FBXO4: variants seen among roughly 807,000 people sequenced by gnomAD.
FBXO4 encodes the protein F-box protein 4.
In FBXO4, 36 loss-of-function variants were observed where a neutral mutation model predicts 43.7. That is an observed-to-expected ratio of 0.82 (90% CI 0.63 to 1.09). FBXO4 has a LOEUF of 1.09. Ranked by LOEUF, FBXO4 falls within the 50% of genes least tolerant of loss-of-function variation. FBXO4 has a pLI of 0.00. For missense variants in FBXO4, 435 were observed against 474.1 expected (o/e 0.92, Z 0.77); for synonymous variants, 180 against 165.6 (o/e 1.09, Z -0.67).
the FBXO4 span, among the ~76,000 whole-genome samples, chr5:41,991,436 T>C: frequency 6.6e-6 from 1 of 152,310 alleles, no homozygotes; most frequent in African/African-American, 2.4e-5. Flanking sequence ...TGAGGTCTTT[T>C]TGTGAAAGCA....
chr5:42,023,126 C>T, the FBXO4 span, among the ~76,000 whole-genome samples: 4 of 152,176 alleles, frequency 2.6e-5, no homozygotes, highest in South Asian at 6.2e-4. Flanking sequence ...AGTGAACCCA[C>T]TTTCTAGGAC....
At chr5:42,025,715 T>C in the FBXO4 span, among the ~76,000 whole-genome samples, 1 of 152,020 alleles carries the variant, frequency 6.6e-6, no homozygotes, top group Admixed American at 6.6e-5. Flanking sequence ...ATTTGATTTT[T>C]GTGAATGGAG....
the FBXO4 span, among the ~76,000 whole-genome samples, chr5:41,959,464 T>C: frequency 6.6e-6 from 1 of 152,136 alleles, no homozygotes; most frequent in Non-Finnish European, 1.5e-5. Context: ...CTTGCCTAGA[T>C]AAATGCCATG....
chr5:41,947,004 T>C, the FBXO4 span, among the ~76,000 whole-genome samples: 1 of 152,236 alleles, frequency 6.6e-6, no homozygotes, highest in East Asian at 1.9e-4. Flanking sequence ...CCATTTATAT[T>C]CTGATTTCAT....
chr5:41,951,650 T>C, the FBXO4 span: 1 of 203,584 alleles, frequency 4.9e-6, no homozygotes, highest in Non-Finnish European at 9.9e-6. Flanking sequence ...GCCAAGCACG[T>C]GCATAACTTC....
the FBXO4 span, among the ~76,000 whole-genome samples, chr5:42,035,765 G>A: frequency 6.6e-6 from 1 of 152,050 alleles, no homozygotes; most frequent in Non-Finnish European, 1.5e-5. Flanking sequence ...TTGTACTTTG[G>A]TATGCAGTGA....
the FBXO4 span, among the ~76,000 whole-genome samples, chr5:41,983,942 G>C: frequency 6.6e-6 from 1 of 151,430 alleles, no homozygotes; most frequent in African/African-American, 2.4e-5. Context: ...TCATTATTTG[G>C]CCACACTTTA....
the FBXO4 span, among the ~76,000 whole-genome samples, chr5:41,981,812 T>C: frequency 6.6e-6 from 1 of 151,736 alleles, no homozygotes; most frequent in African/African-American, 2.4e-5. Flanking sequence ...GGTTTGTTAC[T>C]TATGTATACA....
the FBXO4 span, among the ~76,000 whole-genome samples, chr5:42,020,879 T>C: frequency 1.3e-5 from 2 of 152,138 alleles, no homozygotes; most frequent in African/African-American, 4.8e-5. Flanking sequence ...GGAAGTGATA[T>C]TTAAACTAAG....
At chr5:41,958,978 GT>G in the FBXO4 span, among the ~76,000 whole-genome samples, 5 of 152,130 alleles carry the variant, frequency 3.3e-5, no homozygotes, top group Non-Finnish European at 7.4e-5. Flanking sequence ...CGCCATACTG[GT>G]TTTCATAATG....
chr5:41,927,469 A>G (rs568092396), intron 2 of FBXO4, among the ~76,000 whole-genome samples: 90 of 152,336 alleles, frequency 5.9e-4, no homozygotes, highest in Non-Finnish European at 1.0e-3. Flanking sequence ...TTGAATAATT[A>G]TAAGTAGTAT....
the FBXO4 span, among the ~76,000 whole-genome samples, chr5:41,950,950 A>T: frequency 2.0e-5 from 3 of 152,206 alleles, no homozygotes; most frequent in African/African-American, 7.2e-5. Context: ...TTCTCAGCAA[A>T]CTAACACAAG....
chr5:42,036,179 G>C, the FBXO4 span, among the ~76,000 whole-genome samples: 1 of 152,052 alleles, frequency 6.6e-6, no homozygotes, highest in Non-Finnish European at 1.5e-5. Context: ...TTAAATGGTG[G>C]CTTTGGGATG....
chr5:42,035,594 T>C, the FBXO4 span, among the ~76,000 whole-genome samples: 1 of 152,170 alleles, frequency 6.6e-6, no homozygotes, highest in Non-Finnish European at 1.5e-5. Context: ...AATGACAGGC[T>C]TATTTCATTT....
chr5:42,004,018 A>G, the FBXO4 span, among the ~76,000 whole-genome samples: 6 of 152,210 alleles, frequency 3.9e-5, no homozygotes, highest in African/African-American at 1.4e-4. Context: ...AATGTGGCAC[A>G]TATACACCGT....
At chr5:41,937,238 T>C (rs1751874559) in intron 5 of FBXO4, among the ~76,000 whole-genome samples, 1 of 152,024 alleles carries the variant, frequency 6.6e-6, no homozygotes, top group South Asian at 2.1e-4. Flanking sequence ...GTCAAACTGA[T>C]AAAAATCAGA....
At chr5:41,953,806 T>G in the FBXO4 span, among the ~76,000 whole-genome samples, 1 of 151,238 alleles carries the variant, frequency 6.6e-6, no homozygotes, top group African/African-American at 2.4e-5. Flanking sequence ...TTTTGAGAAG[T>G]GTCTGTTCAT....
chr5:41,988,850 T>C, the FBXO4 span, among the ~76,000 whole-genome samples: 1 of 152,182 alleles, frequency 6.6e-6, no homozygotes, highest in Non-Finnish European at 1.5e-5. Context: ...GAAATAATTT[T>C]GATTTTAAAA....
chr5:41,958,494 C>A, the FBXO4 span, among the ~76,000 whole-genome samples: 2 of 152,174 alleles, frequency 1.3e-5, no homozygotes, highest in East Asian at 3.8e-4. Flanking sequence ...CAATAGAGCT[C>A]TTGAATTCAT....
Sources: allele counts gnomAD v4.1 joint callset (sites outside exome capture counted in the v4.1 genomes callset), GRCh38; gene constraint gnomAD v4.1.1; transcripts MANE v1.5; gene names NCBI Gene and HGNC (gene_info 2026-07-23, HGNC 2026-07-21).